Variants in TAF1B observed in about 807,000 individuals in gnomAD.
TAF1B encodes the protein TATA-box binding protein associated factor, RNA polymerase I subunit B, also known as TATA box-binding protein-associated factor RNA polymerase I subunit B.
A neutral mutation model predicts 83.9 loss-of-function variants in TAF1B; 61 were observed. The ratio of observed to expected loss-of-function variants is 0.73; its 90% CI spans 0.59 to 0.90. The LOEUF (loss-of-function observed/expected upper bound fraction) is 0.90, where lower values mean the gene tolerates loss of function less well. Among genes scored for constraint, TAF1B ranks in the 40% least tolerant of loss-of-function variants. The pLI is 0.00. For missense variants in TAF1B, 625 were observed against 677.0 expected, an observed-to-expected ratio of 0.92 and a Z score of 0.85; for synonymous variants, 221 against 224.6, an observed-to-expected ratio of 0.98 and a Z score of 0.14.
At chr2:9,931,188 G>A (rs969535909) in intron 14 of TAF1B, among the ~76,000 whole-genome samples, 46 of 152,332 alleles carry the variant, frequency 3.0e-4, no homozygotes, top group Admixed American at 2.2e-3. Context: ...ATATTGTTAT[G>A]TGTGAATTTG....
chr2:9,846,097 TTCC>T (rs989566956), intron 2 of TAF1B: 34 of 470,976 alleles, frequency 7.2e-5, no homozygotes, highest in African/African-American at 1.2e-4. Context: ...ATTATCTCAT[TTCC>T]TCCTCATCAC....
intron 14 of TAF1B, among the ~76,000 whole-genome samples, chr2:9,922,571 A>G (rs1196918365): frequency 6.6e-6 from 1 of 151,788 alleles, no homozygotes; most frequent in Non-Finnish European, 1.5e-5. Flanking sequence ...AACACCCCTC[A>G]TTATTCTCTG....
intron 5 of TAF1B, among the ~76,000 whole-genome samples, chr2:9,867,602 T>C (rs287972): frequency 0.2 from 30,919 of 152,224 alleles, 4,015 homozygotes; most frequent in Non-Finnish European, 0.29. Flanking sequence ...GTTGAAATCA[T>C]GGCTTTTTGA....
intron 10 of TAF1B, 145 bp downstream of exon 10, chr2:9,911,058 C>T (rs1665518315): frequency 3.0e-6 from 2 of 662,982 alleles, no homozygotes; most frequent in South Asian, 5.3e-5. Context: ...TATGTTATCT[C>T]AAAAAATGGA....
intron 8 of TAF1B, among the ~76,000 whole-genome samples, chr2:9,885,738 C>T (rs753984317): frequency 1.3e-4 from 20 of 149,752 alleles, no homozygotes; most frequent in South Asian, 2.1e-4. Context: ...CTTCTTTCTC[C>T]CCACGCCCCC....
At chr2:9,874,709 A>T (rs1347044756) in intron 6 of TAF1B, among the ~76,000 whole-genome samples, 1 of 152,210 alleles carries the variant, frequency 6.6e-6, no homozygotes, top group Non-Finnish European at 1.5e-5. Flanking sequence ...GAGATGAATA[A>T]GCATCTGGTG....
intron 7 of TAF1B, among the ~76,000 whole-genome samples, chr2:9,880,390 A>T (rs1175218162): frequency 2.7e-5 from 4 of 146,630 alleles, no homozygotes; most frequent in Admixed American, 2.7e-4. Flanking sequence ...AATACCTAGG[A>T]AGGGAAATAG....
chr2:9,882,821 T>C lies in TAF1B; in HGVS notation c.807+16T>C. On this transcript the variant is annotated intron_variant, in intron 8 of 14. Coordinates refer to ENST00000263663, the MANE Select transcript of TAF1B (RefSeq NM_005680.3). Reference sequence around the variant, plus strand: ...TGGTATAGAGGTAAGTTATTTTCTTTTTTACTTTCTAGTCTCTGATAAGGC... The same window carrying C: ...TGGTATAGAGGTAAGTTATTTTCTTCTTTACTTTCTAGTCTCTGATAAGGC... 1 of 1,551,970 alleles carries C rather than the reference T, an allele frequency of 6.4e-7. No homozygotes were observed. The highest frequency in any genetic ancestry group is 1.8e-5 in the Admixed American group (1 of 54,662).
At position 9,933,824 on chromosome 2, in the gene TAF1B, C is replaced by G; in HGVS notation, c.1607C>G (p.Ser536Cys). 1 of 1,613,652 alleles carries G rather than the reference C, an allele frequency of 6.2e-7. No homozygotes were observed. Among genetic ancestry groups the G allele is most frequent in the Middle Eastern group, 1.7e-4 (1 of 6,052 alleles). ...ACAACCTATGAAGAATCAAATTATTCTCTGAGTTATCAGTTTATACTAAAT... is the reference window on the plus strand; with the variant it reads ...ACAACCTATGAAGAATCAAATTATTGTCTGAGTTATCAGTTTATACTAAAT... Reference protein sequence around the residue: ...HVTTYEESNYSLSYQFILNLF... With the variant: ...HVTTYEESNYCLSYQFILNLF... The change falls in exon 15 of 15, where the codon TCT becomes TGT. Residue 536 changes from serine (S) to cysteine (C), a missense_variant. Transcript: ENST00000263663.
chr2:9,843,559 G>A lies in TAF1B; in HGVS notation c.18G>A (p.Ala6=). The part of the protein sequence containing the change: MDLEE[A]EEFKERCTQC... ...GCGCCGCGATGGACCTCGAGGAGGC[G>A]GTAAGGAGGCGGTGCACCTGGCGGG... is the stretch of plus-strand genomic sequence containing the variant. Residue 6 remains alanine (A), a splice_region_variant and synonymous_variant, in exon 1 of 15, where the codon GCG becomes GCA. Coordinates refer to ENST00000263663, the MANE Select transcript of TAF1B (RefSeq NM_005680.3). 1 of 1,522,318 alleles carries A rather than the reference G, an allele frequency of 6.6e-7. No individual in the cohort carries two copies. The highest frequency in any genetic ancestry group is 8.8e-7 in the Non-Finnish European group (1 of 1,131,978). 94.3% of individuals were successfully genotyped at this position (1,522,318 alleles called of 1,614,324 possible).
At chr2:9,856,297 G>A (rs1300238379) in intron 5 of TAF1B, among the ~76,000 whole-genome samples, 1 of 149,536 alleles carries the variant, frequency 6.7e-6, no homozygotes. Flanking sequence ...ACCTGAGAAA[G>A]CTAACTGAAA....
At position 9,933,998 on chromosome 2, in the gene TAF1B, A is replaced by G. The variant is rs1558276042; in HGVS notation, c.*14A>G. 9.6e-6 allele frequency: 15 copies of G among 1,562,820 alleles called. No individual in the cohort carries two copies. Among genetic ancestry groups the G allele is most frequent in the Non-Finnish European group, 1.3e-5 (15 of 1,154,464 alleles). The stretch of plus-strand genomic sequence containing the variant: ...AGACGACATTGAGAAAATGAAATAG[A>G]AACTTTCTGGAAAAATATTTTAATA... On this transcript the variant is annotated 3_prime_UTR_variant, in exon 15 of 15. Coordinates refer to ENST00000263663, the MANE Select transcript of TAF1B (RefSeq NM_005680.3).
intron 7 of TAF1B, among the ~76,000 whole-genome samples, chr2:9,877,358 T>C (rs1664350220): frequency 6.6e-6 from 1 of 152,212 alleles, no homozygotes. Context: ...TCCAGTGTTC[T>C]CTTTCTTAGT....
chr2:9,919,762 C>A lies in TAF1B; in HGVS notation c.1507C>A (p.Gln503Lys). Residue 503 changes from glutamine to lysine, a missense_variant, in exon 14 of 15, where the codon CAA (glutamine) becomes AAA (lysine). By Grantham distance (53) the Gln-to-Lys change is moderately conservative. Coordinates refer to ENST00000263663, the MANE Select transcript of TAF1B (RefSeq NM_005680.3). ...TCAGGGAGTCCTGAAAGAGAAAGGC[C>A]AATCACTGCTGACTAAGAATTCATT... ...SLQGVLKEKG[Q>K]SLLTKNSLYW... The A allele has an allele frequency of 1.9e-6, 3 of 1,614,122 alleles. No homozygotes were observed. Among genetic ancestry groups the A allele is most frequent in the Non-Finnish European group, 2.5e-6 (3 of 1,180,020 alleles).
At chr2:9,876,588 C>G (rs185596404) in intron 7 of TAF1B, among the ~76,000 whole-genome samples, 34 of 152,266 alleles carry the variant, frequency 2.2e-4, no homozygotes, top group African/African-American at 7.7e-4. Flanking sequence ...AATAGACGTG[C>G]CAAAATTCTT....
intron 5 of TAF1B, among the ~76,000 whole-genome samples, chr2:9,866,831 C>G (rs1663993148): frequency 6.6e-6 from 1 of 151,838 alleles, no homozygotes; most frequent in South Asian, 2.1e-4. Context: ...CAAACTATCA[C>G]AAGGACAAAA....
intron 8 of TAF1B, among the ~76,000 whole-genome samples, chr2:9,886,235 G>T (rs1158865895): frequency 9.3e-5 from 14 of 151,154 alleles, no homozygotes; most frequent in Admixed American, 1.3e-4. Context: ...TACCATTTTG[G>T]AAAATTAAGT....
intron 5 of TAF1B, among the ~76,000 whole-genome samples, chr2:9,861,831 A>G (rs1274718282): frequency 2.6e-5 from 4 of 152,230 alleles, no homozygotes; most frequent in African/African-American, 9.6e-5. Flanking sequence ...TACCCAGGCA[A>G]ACAGGGTCTG....
At chr2:9,892,424 C>T (rs1664898776) in intron 8 of TAF1B, among the ~76,000 whole-genome samples, 1 of 152,146 alleles carries the variant, frequency 6.6e-6, no homozygotes, top group South Asian at 2.1e-4. Flanking sequence ...GATCTCAAAA[C>T]TTGTTCCTTC....
Sources: gnomAD v4.1 joint callset for allele counts (sites outside exome capture counted in the v4.1 genomes callset) on GRCh38, gnomAD v4.1.1 for gene constraint, MANE v1.5 for transcripts, NCBI Gene and HGNC (gene_info 2026-07-23, HGNC 2026-07-21) for gene names.